Variants in NALF1 observed in about 807,000 individuals in gnomAD.
The protein encoded by NALF1 is NALCN channel auxiliary factor 1.
A neutral mutation model predicts 48.4 loss-of-function variants in NALF1; 3 were observed. That is an observed-to-expected ratio of 0.06 (90% confidence interval 0.03 to 0.16). NALF1 has a LOEUF of 0.16. NALF1 is among the 10% of genes least tolerant of loss of function. The probability of loss-of-function intolerance (pLI) is 1.00; values close to 1 mark genes in which losing one functional copy is unlikely to be tolerated. For synonymous variants in NALF1, 262 were observed against 245.7 expected, an observed-to-expected ratio of 1.07 and a Z score of -0.62; for missense variants, 526 against 571.5, an observed-to-expected ratio of 0.92 and a Z score of 0.81.
chr13:107,366,446 A>C (rs1373955527), intron 1 of NALF1, among the ~76,000 whole-genome samples: 2 of 152,228 alleles, frequency 1.3e-5, no homozygotes, highest in Admixed American at 6.5e-5. Context: ...AATCAAAAAA[A>C]GGCCTGCCTA....
intron 1 of NALF1, among the ~76,000 whole-genome samples, chr13:107,506,473 C>G (rs1441102922): frequency 6.6e-6 from 1 of 152,086 alleles, no homozygotes; most frequent in Non-Finnish European, 1.5e-5. Context: ...AGTGTAATCA[C>G]AGAGCTGTAC....
At chr13:107,312,324 A>C (rs921103175) in intron 1 of NALF1, among the ~76,000 whole-genome samples, 4 of 152,160 alleles carry the variant, frequency 2.6e-5, no homozygotes, top group Non-Finnish European at 5.9e-5. Flanking sequence ...TCACGAGGTC[A>C]AAAAACCAAA....
At chr13:107,754,393 ACAC>A (rs1421999068) in intron 1 of NALF1, among the ~76,000 whole-genome samples, 1 of 128,214 alleles carries the variant, frequency 7.8e-6, no homozygotes, top group Non-Finnish European at 1.6e-5. Flanking sequence ...ACACACACAC[ACAC>A]ACCATATATG....
rs964952292 is a variant in NALF1, at chr13:107,310,054, TTTTA to T, written c.916-99303_916-99300del. Among the ~76,000 whole-genome samples the T allele has an allele frequency of 3.2e-4, 48 of 152,078 alleles. 1 individual carries two copies. Among genetic ancestry groups the T allele is most frequent in the Admixed American group, 2.9e-3 (45 of 15,268 alleles). On this transcript the variant is annotated intron_variant, in intron 1 of 2. Coordinates refer to ENST00000375915, the MANE Select transcript of NALF1 (RefSeq NM_001080396.3). ...GTTGGTATGCAAATGTTGGGTTAGGTTTTATTTGTTTTGTGTGTGTGTGTGTTTA... is the reference window on the plus strand; with the variant it reads ...GTTGGTATGCAAATGTTGGGTTAGGTTTTGTTTTGTGTGTGTGTGTGTTTA...
At chr13:107,312,014 C>T (rs542143675) in intron 1 of NALF1, among the ~76,000 whole-genome samples, 11 of 152,212 alleles carry the variant, frequency 7.2e-5, no homozygotes, top group Admixed American at 3.3e-4. Context: ...GTCAGTATGG[C>T]GATTCCTCAG....
At chr13:107,331,262 T>C (rs1332897105) in intron 1 of NALF1, among the ~76,000 whole-genome samples, 1 of 152,194 alleles carries the variant, frequency 6.6e-6, no homozygotes, top group Non-Finnish European at 1.5e-5. Flanking sequence ...CTCAGTAATG[T>C]AATATTTTGA....
intron 1 of NALF1, among the ~76,000 whole-genome samples, chr13:107,795,451 T>C (rs1177069575): frequency 6.6e-6 from 1 of 152,140 alleles, no homozygotes; most frequent in Non-Finnish European, 1.5e-5. Flanking sequence ...CATCCCTCTC[T>C]AGTTTAAAGT....
intron 1 of NALF1, among the ~76,000 whole-genome samples, chr13:107,264,292 T>C (rs555221772): frequency 6.6e-6 from 1 of 152,236 alleles, no homozygotes; most frequent in Non-Finnish European, 1.5e-5. Context: ...CATTGGTTTA[T>C]ATACAGAAAT....
chr13:107,814,510 C>T (rs1337151654), intron 1 of NALF1, among the ~76,000 whole-genome samples: 3 of 152,024 alleles, frequency 2.0e-5, no homozygotes, highest in Non-Finnish European at 1.5e-5. Context: ...ACAGCAACTA[C>T]AGGAAAGCTG....
intron 1 of NALF1, among the ~76,000 whole-genome samples, chr13:107,361,537 C>T (rs1310379000): frequency 2.0e-5 from 3 of 151,630 alleles, no homozygotes; most frequent in Non-Finnish European, 1.5e-5. Context: ...GAAAAATGAG[C>T]CATGGAAAAA....
chr13:107,507,259 G>A (rs1166811170), intron 1 of NALF1, among the ~76,000 whole-genome samples: 1 of 152,000 alleles, frequency 6.6e-6, no homozygotes, highest in Non-Finnish European at 1.5e-5. Context: ...GGTAACTACA[G>A]GTTTGTAGGT....
At chr13:107,500,466 G>A (rs1223622) in intron 1 of NALF1, among the ~76,000 whole-genome samples, 52,117 of 149,962 alleles carry the variant, frequency 0.35, 10,132 homozygotes, top group African/African-American at 0.52. Context: ...AGGTGCTGGA[G>A]AGGATGTGGA....
intron 1 of NALF1, among the ~76,000 whole-genome samples, chr13:107,306,990 AC>A (rs1288889927): frequency 2.0e-5 from 3 of 151,676 alleles, no homozygotes; most frequent in Non-Finnish European, 4.4e-5. Context: ...CAAAACAAAA[AC>A]CCCAAACACG....
intron 1 of NALF1, among the ~76,000 whole-genome samples, chr13:107,381,529 C>T (rs1201109955): frequency 3.3e-5 from 5 of 152,108 alleles, no homozygotes; most frequent in African/African-American, 7.2e-5. Context: ...TATTATAGCC[C>T]TTTCTGCCAC....
At position 107,167,513 on chromosome 13, in the gene NALF1, G is replaced by C. The variant is rs560099041; in HGVS notation, c.*2984C>G. 3.4e-4 allele frequency: 52 copies of C among 152,280 alleles called. No homozygotes were observed. Among genetic ancestry groups the C allele is most frequent in the African/African-American group, 1.1e-3 (45 of 41,542 alleles). 9.4% of individuals were successfully genotyped at this position (152,280 alleles called of 1,614,324 possible). On this transcript the variant is annotated 3_prime_UTR_variant, in exon 3 of 3. Transcript: ENST00000375915. Reference sequence around the variant, plus strand: ...AACATGTCCAGTGGAAATATTGCGGGAAAGTGGTTACACACTTACACTAAT... The same window carrying C: ...AACATGTCCAGTGGAAATATTGCGGCAAAGTGGTTACACACTTACACTAAT...
At chr13:107,174,350 T>C (rs1015963884) in intron 2 of NALF1, among the ~76,000 whole-genome samples, 148 of 29,588 alleles carry the variant, frequency 5.0e-3, no homozygotes, top group African/African-American at 0.022. Flanking sequence ...TATTTTTATT[T>C]ATTTATTTAT....
intron 1 of NALF1, among the ~76,000 whole-genome samples, chr13:107,715,296 G>A (rs577715980): frequency 3.0e-4 from 45 of 151,742 alleles, no homozygotes; most frequent in South Asian, 1.3e-3. Flanking sequence ...TCCGCCTCCC[G>A]GGTTGAAAAG....
intron 1 of NALF1, among the ~76,000 whole-genome samples, chr13:107,784,505 T>C (rs1379273561): frequency 3.9e-5 from 6 of 152,158 alleles, no homozygotes; most frequent in Non-Finnish European, 8.8e-5. Flanking sequence ...CTGATCAATA[T>C]TTAAAGTCAA....
intron 1 of NALF1, among the ~76,000 whole-genome samples, chr13:107,818,867 G>C (rs1331506497): frequency 1.8e-5 from 1 of 56,454 alleles, no homozygotes; most frequent in Non-Finnish European, 2.7e-5. Context: ...GCGAGACTCC[G>C]TCTCAAAAAA....
Sources: allele counts gnomAD v4.1 joint callset (sites outside exome capture counted in the v4.1 genomes callset), GRCh38; gene constraint gnomAD v4.1.1; transcripts MANE v1.5; gene names NCBI Gene and HGNC (gene_info 2026-07-23, HGNC 2026-07-21).